KIFC3: variants seen among roughly 807,000 people sequenced by gnomAD.
KIFC3 encodes kinesin family member C3, also known as kinesin-like protein KIFC3.
Under a neutral mutation model 101.8 loss-of-function variants are expected in KIFC3, and 60 were observed. That is an observed-to-expected ratio of 0.59 (90% CI 0.48 to 0.73). The LOEUF is 0.73. Among genes scored for constraint, KIFC3 ranks in the 30% least tolerant of loss-of-function variants. The probability of loss-of-function intolerance (pLI) is 0.00; values close to 1 mark genes in which losing one functional copy is unlikely to be tolerated. For missense variants in KIFC3, 966 were observed against 1,137.1 expected (o/e 0.85, Z 2.16); for synonymous variants, 476 against 482.7 (o/e 0.99, Z 0.18).
intron 1 of KIFC3, among the ~76,000 whole-genome samples, chr16:57,832,473 C>T (rs1026919579): frequency 1.3e-5 from 2 of 151,716 alleles, no homozygotes; most frequent in African/African-American, 4.8e-5. Flanking sequence ...TGCCATCATA[C>T]CCGGCTAATT....
rs782593222 is a variant in KIFC3 at position 57,760,939 on chromosome 16, C to T, written c.2019G>A (p.Val673=). 6.2e-7 allele frequency: 1 copy of T among 1,607,256 alleles called. No individual in the cohort carries two copies. The highest frequency in any genetic ancestry group is 1.1e-5 in the South Asian group (1 of 90,756). ...CCACGCGCTCCGAGCCAGCCAAGTC[C>T]ACCAGGTTCAGCTTCCCTGCAGGGA... ...GLRTTGKLNL[V]DLAGSERVGK... Residue 673 remains valine, a synonymous_variant, in exon 16 of 20, where the codon GTG becomes GTA. Transcript: ENST00000445690.
intron 3 of KIFC3, among the ~76,000 whole-genome samples, chr16:57,779,026 TC>T (rs1555613181): frequency 1.3e-5 from 2 of 152,198 alleles, no homozygotes; most frequent in African/African-American, 4.8e-5. Context: ...GTATGATGGT[TC>T]CTCAAAAAAT....
rs1555605652 is a variant in KIFC3 at position 57,769,602 on chromosome 16, T to C, written c.1211A>G (p.Lys404Arg). ...LLLQEALRSV[K>R]AEIGQAIEEV... ...CCCACTGCCCTCGCTCACCTCGGCC[T>C]TGACACTCCTGAGGGCCTCCTGCAG... is the stretch of plus-strand genomic sequence containing the variant. The change falls in exon 9 of 20, where the codon AAG becomes AGG. Residue 404 changes from lysine (K) to arginine (R), a missense_variant. Physicochemically the swap from Lys to Arg is conservative, Grantham distance 26. This residue lies in a region of KIFC3 where 689 missense variants were observed against 884.6 expected (regional missense o/e 0.78). Transcript: ENST00000445690. The surrounding 1 kb of genome is among the most constrained non-coding windows in gnomAD (Gnocchi z 4.3). 1 of 1,610,326 alleles carries C rather than the reference T, an allele frequency of 6.2e-7. No homozygotes were observed. The highest frequency in any genetic ancestry group is 8.5e-7 in the Non-Finnish European group (1 of 1,179,726).
intron 1 of KIFC3, among the ~76,000 whole-genome samples, chr16:57,857,543 T>C (rs765541811): frequency 2.5e-4 from 38 of 151,942 alleles, no homozygotes; most frequent in Non-Finnish European, 4.4e-4. Flanking sequence ...CTATCCCTCC[T>C]CTAGCCTCCC....
intron 3 of KIFC3, among the ~76,000 whole-genome samples, chr16:57,787,963 T>C (rs12924788): frequency 0.14 from 20,851 of 152,262 alleles, 2,199 homozygotes; most frequent in African/African-American, 0.29. Flanking sequence ...TCCTAGAGGA[T>C]GCTGCTTCCC....
Position 57,798,198 on chromosome 16 carries a change from G to T in KIFC3, c.46C>A (p.Leu16Met). 1 of 1,545,004 alleles carries T rather than the reference G, an allele frequency of 6.5e-7. No individual in the cohort carries two copies. The highest frequency in any genetic ancestry group is 2.4e-5 in the East Asian group (1 of 41,164). Residue 16 changes from leucine to methionine, a missense_variant, in exon 2 of 20, where the codon CTG becomes ATG. Coordinates refer to ENST00000445690, the MANE Select transcript of KIFC3 (RefSeq NM_001130100.2). ...CGGCCCACTCTCCACAGGCCCCGCAGCGAGGGCGTGGCTCCCAGGTTCCAC... is the reference window on the plus strand; with the variant it reads ...CGGCCCACTCTCCACAGGCCCCGCATCGAGGGCGTGGCTCCCAGGTTCCAC... ...RTWNLGATPS[L>M]RGLWRVGRAP...
Position 57,771,134 on chromosome 16 carries a change from CT to C in KIFC3, c.765+63del, listed in dbSNP as rs2051134121. 155 of 1,586,996 alleles carry C rather than the reference CT, an allele frequency of 9.8e-5. 1 individual carries two copies. The South Asian group carries it at 1.4e-3, about 14-fold the overall frequency. On this transcript the variant is annotated intron_variant, in intron 6 of 19. Transcript: ENST00000445690. Reference sequence around the variant, plus strand: ...CACCAGGACAAGCCCCCCTTATGGGCTAGCCCTGCCCCAGGTGCCAGGGGCC... The same window carrying C: ...CACCAGGACAAGCCCCCCTTATGGGCAGCCCTGCCCCAGGTGCCAGGGGCC...
rs147158458 is a variant in KIFC3 at position 57,770,606 on chromosome 16, G to A, written c.860C>T (p.Ala287Val). The change falls in exon 7 of 20, where the codon GCT becomes GTT. Residue 287 changes from alanine to valine, a missense_variant. By Grantham distance (64) the Ala-to-Val change is moderately conservative. Around this residue, in one of 2 missense-constraint regions of KIFC3, gnomAD observed 689 missense variants for 884.6 expected, o/e 0.78. Transcript: ENST00000445690. ...CTCCTTCAGCACCTGCCTCTGCATA[G>A]CCACCTGCTCCTGCAGGTGCTGGTT... is the stretch of plus-strand genomic sequence containing the variant. ...ARNQHLQEQV[A>V]MQRQVLKEME... 36 of 1,541,062 alleles carry A rather than the reference G, an allele frequency of 2.3e-5. No individual in the cohort carries two copies. The African/African-American group carries it at 4.0e-4, about 17-fold the overall frequency.
At chr16:57,764,275 T>TGGGGGGGGGGGTGGGGGGGGGGG in intron 11 of KIFC3, 28 bp from the exon 12 acceptor site, 4 of 539,914 alleles carry the variant, frequency 7.4e-6, no homozygotes, top group East Asian at 4.6e-5. Context: ...GGGAGGCTGG[T>TGGGGGGGGGGGTGGGGGGGGGGG]GGGGGGGCTT....
At chr16:57,788,783 T>C (rs984729953) in intron 3 of KIFC3, 2 of 1,264,414 alleles carry the variant, frequency 1.6e-6, no homozygotes, top group South Asian at 2.5e-5. Context: ...AGCCAGAGGA[T>C]GGTGTGCTCC....
At chr16:57,823,761 T>TTGTGTGTGTGTGTGTGTGTGTG (rs542476459) in intron 1 of KIFC3, among the ~76,000 whole-genome samples, 148 of 136,706 alleles carry the variant, frequency 1.1e-3, no homozygotes, top group Admixed American at 1.8e-3. Context: ...CCCGGCTACT[T>TTGTGTGTGTGTGTGTGTGTGTG]TGTGTGTGTG....
intron 1 of KIFC3, among the ~76,000 whole-genome samples, chr16:57,837,554 G>GAAGAAAGAAAGAAAGAAATAAAGA (rs1555480659): frequency 2.0e-5 from 2 of 99,916 alleles, no homozygotes; most frequent in African/African-American, 6.8e-5. Context: ...AGGAAGGAAG[G>GAAGAAAGAAAGAAAGAAATAAAGA]AAGAAAGAAA....
Position 57,761,108 on chromosome 16 carries a change from G to A in KIFC3, c.1936C>T (p.Arg646Cys), listed in dbSNP as rs781840532. ...EFTNLNEHSS[R>C]SHALLIVTVR... is the part of the protein sequence containing the mutation. Reference sequence around the variant, plus strand: ...GTCACGATGAGCAGCGCGTGCGAGCGGGAGCTGTGCTCGTTCAGGTTGGTG... The same window carrying A: ...GTCACGATGAGCAGCGCGTGCGAGCAGGAGCTGTGCTCGTTCAGGTTGGTG... Residue 646 changes from arginine (R) to cysteine (C), a missense_variant, in exon 15 of 20, where the codon CGC becomes TGC. Physicochemically the swap from Arg to Cys is radical, Grantham distance 180. Coordinates refer to ENST00000445690, the MANE Select transcript of KIFC3 (RefSeq NM_001130100.2). 10 of 1,613,826 alleles carry A rather than the reference G, an allele frequency of 6.2e-6. No individual in the cohort carries two copies. Among genetic ancestry groups the A allele is most frequent in the Admixed American group, 1.7e-5 (1 of 59,986 alleles).
intron 1 of KIFC3, among the ~76,000 whole-genome samples, chr16:57,812,216 G>C (rs1014492595): frequency 2.0e-5 from 3 of 151,712 alleles, no homozygotes; most frequent in Admixed American, 2.0e-4. Context: ...CTAATTTTTT[G>C]TATTTTTAGT....
At chr16:57,775,643 C>T in intron 3 of KIFC3, 1 of 985,524 alleles carries the variant, frequency 1.0e-6, no homozygotes, top group Non-Finnish European at 1.2e-6. Flanking sequence ...AGCTTCCAGC[C>T]AGCAAGGGCC....
At chr16:57,801,315 A>T (rs1177793045) in intron 1 of KIFC3, among the ~76,000 whole-genome samples, 1 of 152,186 alleles carries the variant, frequency 6.6e-6, no homozygotes, top group Non-Finnish European at 1.5e-5. Context: ...CAGAAGGTCA[A>T]GGAAGTTGTA....
At chr16:57,759,387 G>A (rs1191872509) in intron 18 of KIFC3, 5 of 600,874 alleles carry the variant, frequency 8.3e-6, no homozygotes, top group Non-Finnish European at 5.9e-6. Context: ...ACAGGGAGGG[G>A]GCTGCAGGGG....
chr16:57,766,158 C>T (rs1021209867), intron 10 of KIFC3, among the ~76,000 whole-genome samples: 2 of 152,138 alleles, frequency 1.3e-5, no homozygotes, highest in Admixed American at 1.3e-4. Flanking sequence ...CTGGTCATGC[C>T]GCCATCTACT....
At chr16:57,772,934 T>G (rs1378904569) in intron 3 of KIFC3, among the ~76,000 whole-genome samples, 1 of 152,130 alleles carries the variant, frequency 6.6e-6, no homozygotes, top group Non-Finnish European at 1.5e-5. Flanking sequence ...CACGGTTACC[T>G]AGCTTATCCG....
Sources: gnomAD v4.1 joint callset for allele counts (sites outside exome capture counted in the v4.1 genomes callset) on GRCh38, gnomAD v4.1.1 for gene constraint, gnomAD v4.1.1 regional missense constraint, Gnocchi (gnomAD v3.1) non-coding constraint, MANE v1.5 for transcripts, NCBI Gene and HGNC (gene_info 2026-07-23, HGNC 2026-07-21) for gene names.